Variants in SMIM14 observed in about 807,000 individuals in gnomAD.
SMIM14 encodes the protein chromosome 4 open reading frame 34.
SMIM14 carries 5 observed loss-of-function variants against 12.6 expected under a neutral mutation model. The observed-to-expected ratio is 0.40, with a 90% CI of 0.21 to 0.83. The LOEUF (loss-of-function observed/expected upper bound fraction) is 0.83. SMIM14 is among the 40% of genes least tolerant of loss of function. The probability of loss-of-function intolerance (pLI) is 0.37; values close to 1 mark genes in which losing one functional copy is unlikely to be tolerated. For missense variants in SMIM14, 86 were observed against 119.1 expected, an observed-to-expected ratio of 0.72 and a Z score of 1.29; for synonymous variants, 30 against 40.1, an observed-to-expected ratio of 0.75 and a Z score of 0.95.
intron 2 of SMIM14, among the ~76,000 whole-genome samples, chr4:39,579,136 C>T (rs754323753): frequency 6.6e-6 from 1 of 151,568 alleles, no homozygotes; most frequent in Non-Finnish European, 1.5e-5. Flanking sequence ...AGGCCGGGTG[C>T]AGTGGCTCAT....
rs78311325 is a variant in SMIM14, at chr4:39,596,607, C to A, written c.75+8464G>T. ...TTAGAGGTTTTCAATGGACTAGGCC[C>A]CCTTCAAACCCTCCCCACTGTAACC... On this transcript the variant is annotated intron_variant, in intron 2 of 4. Transcript: ENST00000295958. Among the ~76,000 whole-genome samples the A allele has an allele frequency of 7.1e-3, 1,081 of 152,242 alleles. 21 individuals carry two copies. The highest frequency in any genetic ancestry group is 0.024 in the African/African-American group (1,015 of 41,554).
intron 2 of SMIM14, among the ~76,000 whole-genome samples, chr4:39,597,874 A>G (rs920503791): frequency 2.0e-5 from 3 of 152,198 alleles, no homozygotes; most frequent in African/African-American, 7.2e-5. Flanking sequence ...CAGTTAGGGC[A>G]TACAAACAGC....
chr4:39,634,676 C>T (rs1716027091), intron 1 of SMIM14, among the ~76,000 whole-genome samples: 1 of 152,156 alleles, frequency 6.6e-6, no homozygotes, highest in Non-Finnish European at 1.5e-5. Flanking sequence ...GCATTAAAAT[C>T]ACCTGACAGA....
intron 2 of SMIM14, among the ~76,000 whole-genome samples, chr4:39,581,443 C>G (rs1399570119): frequency 6.6e-6 from 1 of 151,972 alleles, no homozygotes; most frequent in Non-Finnish European, 1.5e-5. Context: ...TTAAAAGACA[C>G]ACACACAGAT....
At chr4:39,618,771 T>C (rs1033752503) in intron 1 of SMIM14, among the ~76,000 whole-genome samples, 1 of 151,530 alleles carries the variant, frequency 6.6e-6, no homozygotes, top group Non-Finnish European at 1.5e-5. Context: ...CATTGCATAA[T>C]AGCTTTTATA....
intron 2 of SMIM14, among the ~76,000 whole-genome samples, chr4:39,578,354 C>T (rs1272341565): frequency 6.6e-6 from 1 of 152,044 alleles, no homozygotes; most frequent in African/African-American, 2.4e-5. Flanking sequence ...AGCAGAGAGG[C>T]CTAATTTACA....
chr4:39,588,847 C>G (rs1051465868), intron 2 of SMIM14, among the ~76,000 whole-genome samples: 4 of 151,574 alleles, frequency 2.6e-5, no homozygotes, highest in Non-Finnish European at 5.9e-5. Flanking sequence ...AAAAGAAAAA[C>G]AAATATTTTA....
At chr4:39,557,256 C>G (rs1401404956) in intron 3 of SMIM14, among the ~76,000 whole-genome samples, 1 of 152,094 alleles carries the variant, frequency 6.6e-6, no homozygotes, top group Admixed American at 6.5e-5. Context: ...AGGTGATCCA[C>G]CTGCCTTGGC....
intron 3 of SMIM14, among the ~76,000 whole-genome samples, chr4:39,560,164 C>T (rs1223644262): frequency 6.6e-6 from 1 of 151,842 alleles, no homozygotes; most frequent in African/African-American, 2.4e-5. Context: ...CTTCCATTGT[C>T]TTCTGTGTCA....
chr4:39,585,835 C>T (rs955550544), intron 2 of SMIM14, among the ~76,000 whole-genome samples: 2 of 152,000 alleles, frequency 1.3e-5, no homozygotes, highest in East Asian at 1.9e-4. Context: ...AGGGATGGTC[C>T]ACCCCCTTTG....
chr4:39,634,713 C>A (rs1481802051), intron 1 of SMIM14, among the ~76,000 whole-genome samples: 2 of 152,114 alleles, frequency 1.3e-5, no homozygotes, highest in Non-Finnish European at 2.9e-5. Context: ...ATTCTAAGAA[C>A]CCATTTCTCA....
intron 2 of SMIM14, among the ~76,000 whole-genome samples, chr4:39,585,988 C>A (rs1179933626): frequency 6.6e-6 from 1 of 152,110 alleles, no homozygotes; most frequent in African/African-American, 2.4e-5. Context: ...CGGTCTTGTC[C>A]TGTAAAATAA....
At chr4:39,627,245 G>A (rs1715737469) in intron 1 of SMIM14, among the ~76,000 whole-genome samples, 1 of 152,146 alleles carries the variant, frequency 6.6e-6, no homozygotes, top group South Asian at 2.1e-4. Flanking sequence ...CTGGGGGTTA[G>A]GATTTCAAAT....
intron 1 of SMIM14, among the ~76,000 whole-genome samples, chr4:39,636,757 A>G (rs1472501688): frequency 6.6e-6 from 1 of 152,172 alleles, no homozygotes; most frequent in East Asian, 1.9e-4. Flanking sequence ...AACCCTATAT[A>G]TGGACTGTTT....
intron 3 of SMIM14, among the ~76,000 whole-genome samples, chr4:39,565,930 A>C (rs6531725): frequency 6.6e-6 from 1 of 151,450 alleles, no homozygotes; most frequent in Admixed American, 6.6e-5. Flanking sequence ...TCTTCTCTTG[A>C]CTGCCACCAT....
chr4:39,572,624 C>G (rs1712956769), intron 2 of SMIM14, among the ~76,000 whole-genome samples, 161 bp from the exon 3 acceptor site: 1 of 151,894 alleles, frequency 6.6e-6, no homozygotes, highest in African/African-American at 2.4e-5. Flanking sequence ...ACATTCAAGA[C>G]CAGCCTGGGT....
intron 1 of SMIM14, among the ~76,000 whole-genome samples, chr4:39,615,234 C>T (rs1385535793): frequency 6.6e-6 from 1 of 152,032 alleles, no homozygotes; most frequent in Non-Finnish European, 1.5e-5. Context: ...GACCTCCGGC[C>T]CGAATGTAAG....
intron 2 of SMIM14, among the ~76,000 whole-genome samples, chr4:39,587,066 T>C (rs548027570): frequency 6.6e-6 from 1 of 152,012 alleles, no homozygotes; most frequent in African/African-American, 2.4e-5. Context: ...TGCTAGCACA[T>C]TGGGGATTAG....
At chr4:39,574,880 T>G (rs1280289478) in intron 2 of SMIM14, among the ~76,000 whole-genome samples, 1 of 152,058 alleles carries the variant, frequency 6.6e-6, no homozygotes, top group African/African-American at 2.4e-5. Context: ...ATGCCTGTAA[T>G]TCTAGCACTT....
Sources: gnomAD v4.1 joint callset for allele counts (sites outside exome capture counted in the v4.1 genomes callset) on GRCh38, gnomAD v4.1.1 for gene constraint, MANE v1.5 for transcripts, NCBI Gene and HGNC (gene_info 2026-07-23, HGNC 2026-07-21) for gene names.